The following REXO4 variants were observed in gnomAD, a reference collection of about 807,000 sequenced individuals.
The protein encoded by REXO4 is REX4 homolog, 3'-5' exonuclease.
Under a neutral mutation model 39.9 loss-of-function variants are expected in REXO4, and 29 were observed. The ratio of observed to expected loss-of-function variants is 0.73; its 90% CI spans 0.54 to 0.99. The LOEUF (loss-of-function observed/expected upper bound fraction) is 0.99, where lower values mean the gene tolerates loss of function less well. Among genes scored for constraint, REXO4 ranks in the 50% least tolerant of loss-of-function variants. The pLI is 0.00. For synonymous variants in REXO4, 184 were observed against 206.2 expected (o/e 0.89, Z 0.92); for missense variants, 524 against 546.5 (o/e 0.96, Z 0.41).
At position 133,407,875 on chromosome 9, in the gene REXO4, T is replaced by TGCAGAGAAAGAG; in HGVS notation, c.1080_1081insCTCTTTCTCTGC (p.Gly360_Arg361insLeuPheLeuCys). On this transcript the variant is annotated inframe_insertion, in exon 7 of 8. Coordinates refer to ENST00000371942, the MANE Select transcript of REXO4 (RefSeq NM_020385.4). ...TCTGAAAGTAGTCTCAGAGACGGCC[T>TGCAGAGAAAGAG]TCCACTCTGCAAAGGGGGAAGAGGC... 6.2e-7 allele frequency: 1 copy of TGCAGAGAAAGAG among 1,613,448 alleles called. No individual in the cohort carries two copies. Among genetic ancestry groups the TGCAGAGAAAGAG allele is most frequent in the Non-Finnish European group, 8.5e-7 (1 of 1,179,748 alleles).
chr9:133,406,873 C>G lies in REXO4; in HGVS notation c.*80G>C, dbSNP rs1326116955. The G allele has an allele frequency of 6.3e-7, 1 of 1,589,220 alleles. No homozygotes were observed. Among genetic ancestry groups the G allele is most frequent in the Non-Finnish European group, 8.5e-7 (1 of 1,171,850 alleles). On this transcript the variant is annotated 3_prime_UTR_variant, in exon 8 of 8. Transcript: ENST00000371942. ...TGAAAAGGTTTCACCAGAGTTGCCACTCTGGGGAGATGTGATCTGTCCCTG... is the reference window on the plus strand; with the variant it reads ...TGAAAAGGTTTCACCAGAGTTGCCAGTCTGGGGAGATGTGATCTGTCCCTG...
chr9:133,407,075 AGAC>A lies in REXO4; in HGVS notation c.1150-6_1150-4del, dbSNP rs782474493. ...ATTGCTGCCTGGGCATCCTGAATCT[AGAC>A]GACATGAAACATCCCAGCAGGTGAC... is the stretch of plus-strand genomic sequence containing the variant. On this transcript the variant is annotated splice_polypyrimidine_tract_variant and splice_region_variant and intron_variant, in intron 7 of 7. Coordinates refer to ENST00000371942, the MANE Select transcript of REXO4 (RefSeq NM_020385.4). 3.7e-6 allele frequency: 6 copies of A among 1,612,564 alleles called. No individual in the cohort carries two copies. In the Admixed American group the frequency reaches 5.0e-5, roughly 13 times the overall value.
Position 133,412,452 on chromosome 9 carries a change from C to G in REXO4, c.757G>C (p.Val253Leu). 1.2e-6 allele frequency: 2 copies of G among 1,614,132 alleles called. No individual in the cohort carries two copies. ...ATGCTCTCCTCCCCCTTAGGGCCCACGCCCACCATCTCACAGTCCAAGGCT... is the reference window on the plus strand; with the variant it reads ...ATGCTCTCCTCCCCCTTAGGGCCCAGGCCCACCATCTCACAGTCCAAGGCT... ...ALALDCEMVGVGPKGEESMAA... is the reference protein window; with the variant it reads ...ALALDCEMVGLGPKGEESMAA... Residue 253 changes from valine to leucine, a missense_variant, in exon 4 of 8, where the codon GTG (valine) becomes CTG (leucine). Coordinates refer to ENST00000371942, the MANE Select transcript of REXO4 (RefSeq NM_020385.4).
At chr9:133,410,755 C>T (rs1030816504) in intron 5 of REXO4, among the ~76,000 whole-genome samples, 3 of 152,228 alleles carry the variant, frequency 2.0e-5, no homozygotes, top group African/African-American at 7.2e-5. Flanking sequence ...GGGTTGCCAG[C>T]TGCTCTGGTA....
In REXO4 at chr9:133,414,508, T is replaced by C. The variant is rs1839437875; in HGVS notation, c.572+157A>G. 2.0e-5 allele frequency: 15 copies of C among 757,774 alleles called. No individual in the cohort carries two copies. In the East Asian group the frequency reaches 3.9e-4, roughly 20 times the overall value. 46.9% of individuals were successfully genotyped at this position (757,774 alleles called of 1,614,324 possible). Reference sequence around the variant, plus strand: ...GCCCTGCCTTATCATGCGCACACTCTAGGGGAAAACAAGTAACAGCGAGTA... The same window carrying C: ...GCCCTGCCTTATCATGCGCACACTCCAGGGGAAAACAAGTAACAGCGAGTA... On this transcript the variant is annotated intron_variant, in intron 2 of 7. Transcript: ENST00000371942.
chr9:133,408,749 T>A lies in REXO4; in HGVS notation c.1074+19A>T. On this transcript the variant is annotated intron_variant, in intron 6 of 7. Coordinates refer to ENST00000371942, the MANE Select transcript of REXO4 (RefSeq NM_020385.4). ...CAAAACAGAAATACAGTATCTTGAG[T>A]CACACTCATTCTAAGTACCTTTACT... 1 of 1,524,588 alleles carries A rather than the reference T, an allele frequency of 6.6e-7. No individual in the cohort carries two copies. Among genetic ancestry groups the A allele is most frequent in the Non-Finnish European group, 9.1e-7 (1 of 1,102,786 alleles). 94.4% of individuals were successfully genotyped at this position (1,524,588 alleles called of 1,614,324 possible).
In REXO4 at chr9:133,417,912, G is replaced by A. The variant is rs1588144876; in HGVS notation, c.-68C>T. ...CCGGCCTCCCCGGGCCCGGCGCCCT[G>A]GCAGCACAAGCGCCTGCCCAGGCCA... On this transcript the variant is annotated 5_prime_UTR_variant, in exon 1 of 8. Coordinates refer to ENST00000371942, the MANE Select transcript of REXO4 (RefSeq NM_020385.4). 6.1e-6 allele frequency: 9 copies of A among 1,467,966 alleles called. No individual in the cohort carries two copies. The East Asian group carries it at 7.0e-5, about 11-fold the overall frequency. 90.9% of individuals were successfully genotyped at this position (1,467,966 alleles called of 1,614,324 possible). A position where few individuals can be genotyped will look rare whatever the true frequency, so the allele number is the denominator to read the frequency against.
chr9:133,412,422 C>G lies in REXO4; in HGVS notation c.787G>C (p.Ala263Pro), dbSNP rs782192693. 6.8e-6 allele frequency: 11 copies of G among 1,614,114 alleles called. No homozygotes were observed. The highest frequency in any genetic ancestry group is 8.5e-6 in the Non-Finnish European group (10 of 1,180,026). Residue 263 changes from alanine to proline, a missense_variant, in exon 4 of 8, where the codon GCC (alanine) becomes CCC (proline). By Grantham distance (27) the Ala-to-Pro change is conservative. Transcript: ENST00000371942. ...TACTGGTTCACGATGGACACACGGGCGGCCATGCTCTCCTCCCCCTTAGGG... is the reference window on the plus strand; with the variant it reads ...TACTGGTTCACGATGGACACACGGGGGGCCATGCTCTCCTCCCCCTTAGGG... ...VGPKGEESMA[A>P]RVSIVNQYGK...
Position 133,408,802 on chromosome 9 carries a change from G to A in REXO4, c.1040C>T (p.Thr347Ile), listed in dbSNP as rs782491738. 5 of 1,596,546 alleles carry A rather than the reference G, an allele frequency of 3.1e-6. No homozygotes were observed. In the Admixed American group the frequency reaches 6.7e-5, roughly 21 times the overall value. ...LDHPKKKIRD[T>I]QKYKPFKSQV... is the part of the protein sequence containing the mutation. ...ACTCTTGAAAGGTTTATATTTCTGT[G>A]TGTCCCGAATCTTCTTTTTTGGATG... The change falls in exon 6 of 8, where the codon ACA becomes ATA. Residue 347 changes from threonine to isoleucine, a missense_variant. Coordinates refer to ENST00000371942, the MANE Select transcript of REXO4 (RefSeq NM_020385.4).
chr9:133,410,498 C>T (rs1054551669), intron 5 of REXO4, among the ~76,000 whole-genome samples: 1 of 152,208 alleles, frequency 6.6e-6, no homozygotes, highest in Non-Finnish European at 1.5e-5. Context: ...TGAATTTGCA[C>T]TTTCCATCTG....
chr9:133,407,320 G>A (rs896927672), intron 7 of REXO4, among the ~76,000 whole-genome samples: 7 of 152,214 alleles, frequency 4.6e-5, no homozygotes, highest in African/African-American at 1.7e-4. Context: ...GAAACCCAAA[G>A]AGGAGAAGCA....
intron 2 of REXO4, among the ~76,000 whole-genome samples, chr9:133,414,062 C>CA (rs763653128): frequency 4.6e-5 from 7 of 152,256 alleles, no homozygotes; most frequent in Non-Finnish European, 1.0e-4. Context: ...GGGTGGCCAG[C>CA]ACAGGGTTTA....
rs587735000 is a variant in REXO4 at position 133,415,162 on chromosome 9, G to T, written c.226-151C>A. 490 of 671,166 alleles carry T rather than the reference G, an allele frequency of 7.3e-4. 1 individual carries two copies. Among genetic ancestry groups the T allele is most frequent in the Non-Finnish European group, 1.1e-3 (444 of 413,808 alleles). 41.6% of individuals were successfully genotyped at this position (671,166 alleles called of 1,614,324 possible). On this transcript the variant is annotated intron_variant, in intron 1 of 7. Transcript: ENST00000371942. The stretch of plus-strand genomic sequence containing the variant: ...GCATCACTGAAATTCATTTTCAAAC[G>T]GTTTGGAAAAAGCTCTTTTTCATTC...
At position 133,417,885 on chromosome 9, in the gene REXO4, C is replaced by A. The variant is rs1554782097; in HGVS notation, c.-41G>T. The A allele has an allele frequency of 6.4e-7, 1 of 1,568,772 alleles. No individual in the cohort carries two copies. The highest frequency in any genetic ancestry group is 8.6e-7 in the Non-Finnish European group (1 of 1,162,048). On this transcript the variant is annotated 5_prime_UTR_variant, in exon 1 of 8. Transcript: ENST00000371942. Reference sequence around the variant, plus strand: ...CGCCTGGGCCGGCGGCCACCCGAGACCCCGGCCTCCCCGGGCCCGGCGCCC... The same window carrying A: ...CGCCTGGGCCGGCGGCCACCCGAGAACCCGGCCTCCCCGGGCCCGGCGCCC...
At chr9:133,418,029 C>T, upstream of REXO4, 5 of 604,220 alleles carry the variant, frequency 8.3e-6, no homozygotes, top group Non-Finnish European at 1.2e-5. Flanking sequence ...ACGCACGCTC[C>T]AGTCCCCGGA....
At chr9:133,418,161 G>A (rs1839792395), upstream of REXO4, 1 of 404,816 alleles carries the variant, frequency 2.5e-6, no homozygotes. Context: ...CGGGGTCATC[G>A]ACCTCGAGTT....
chr9:133,417,792 G>C lies in REXO4; in HGVS notation c.53C>G (p.Ala18Gly), dbSNP rs948755512. The C allele has an allele frequency of 2.5e-6, 4 of 1,609,258 alleles. No homozygotes were observed. The African/African-American group carries it at 5.3e-5, about 21-fold the overall frequency. Residue 18 changes from alanine (A) to glycine (G), a missense_variant, in exon 1 of 8, where the codon GCT (alanine) becomes GGT (glycine). Physicochemically the swap from Ala to Gly is moderately conservative, Grantham distance 60. Transcript: ENST00000371942. ...ASKRAPSSPV[A>G]KPGPVKTLTR... ...GAGCGTCTTGACAGGACCCGGCTTA[G>C]CCACGGGGCTGCTCGGGGCGCGCTT... is the stretch of plus-strand genomic sequence containing the variant.
chr9:133,406,850 A>T lies in REXO4; in HGVS notation c.*103T>A. 1 of 1,541,602 alleles carries T rather than the reference A, an allele frequency of 6.5e-7. No homozygotes were observed. The highest frequency in any genetic ancestry group is 2.3e-5 in the East Asian group (1 of 44,192). ...GCCACGCCCCTCTGCCATGATTCTGAAAAGGTTTCACCAGAGTTGCCACTC... is the reference window on the plus strand; with the variant it reads ...GCCACGCCCCTCTGCCATGATTCTGTAAAGGTTTCACCAGAGTTGCCACTC... On this transcript the variant is annotated 3_prime_UTR_variant, in exon 8 of 8. Coordinates refer to ENST00000371942, the MANE Select transcript of REXO4 (RefSeq NM_020385.4).
chr9:133,414,191 TC>T (rs1554780897), intron 2 of REXO4: 1 of 350,962 alleles, frequency 2.8e-6, no homozygotes, highest in African/African-American at 2.1e-5. Flanking sequence ...CACCTTGGCC[TC>T]CCAAGGAGCT....
Sources: allele counts gnomAD v4.1 joint callset (sites outside exome capture counted in the v4.1 genomes callset), GRCh38; gene constraint gnomAD v4.1.1; transcripts MANE v1.5; gene names NCBI Gene and HGNC (gene_info 2026-07-23, HGNC 2026-07-21).